Variants in IL17RA observed in about 807,000 individuals in gnomAD.
The protein encoded by IL17RA is interleukin-17 receptor A.
Under a neutral mutation model 50.4 loss-of-function variants are expected in IL17RA, and 34 were observed. That is an observed-to-expected ratio of 0.67 (90% CI 0.51 to 0.90). The LOEUF is 0.90. Ranked by LOEUF, IL17RA falls within the 40% of genes least tolerant of loss-of-function variation. IL17RA has a pLI of 0.00. For missense variants in IL17RA, 1,276 were observed against 1,169.8 expected (o/e 1.09, Z -1.32); for synonymous variants, 585 against 510.4 (o/e 1.15, Z -1.97).
chr22:17,087,270 C>T (rs2061331361), intron 1 of IL17RA, among the ~76,000 whole-genome samples: 1 of 152,240 alleles, frequency 6.6e-6, no homozygotes, highest in Non-Finnish European at 1.5e-5. Context: ...TTGCAGGCAG[C>T]ATCGCACTTA....
chr22:17,109,106 C>A lies in IL17RA; in HGVS notation c.1887C>A (p.Ser629=). The A allele has an allele frequency of 6.4e-7, 1 of 1,557,950 alleles. No homozygotes were observed. ...CGCCCCTGGTGCGCGAGCCTGGCTC[C>A]CAGGCCTGCCTGGCCATAGACCCGC... The part of the protein sequence containing the change: ...KRAPLVREPG[S]QACLAIDPLV... The change falls in exon 13 of 13, where the codon TCC becomes TCA. Residue 629 remains serine, a synonymous_variant. Transcript: ENST00000319363.
At position 17,109,876 on chromosome 22, in the gene IL17RA, A is replaced by C; in HGVS notation, c.*56A>C. The C allele has an allele frequency of 6.8e-7, 1 of 1,466,146 alleles. No individual in the cohort carries two copies. Among genetic ancestry groups the C allele is most frequent in the Non-Finnish European group, 9.3e-7 (1 of 1,078,414 alleles). 90.8% of individuals were successfully genotyped at this position (1,466,146 alleles called of 1,614,324 possible). A position where few individuals can be genotyped will look rare whatever the true frequency, so the allele number is the denominator to read the frequency against. ...AGCTTTGAGAGAGGAGTGTGTGTGC[A>C]CGTATTCATCTGTGTGTACATGTCT... is the stretch of plus-strand genomic sequence containing the variant. On this transcript the variant is annotated 3_prime_UTR_variant, in exon 13 of 13. Transcript: ENST00000319363.
chr22:17,095,806 A>G (rs1195108156), intron 1 of IL17RA, among the ~76,000 whole-genome samples: 2 of 152,192 alleles, frequency 1.3e-5, no homozygotes, highest in African/African-American at 2.4e-5. Context: ...CAGGAGCTGA[A>G]CAGGGCGAGA....
intron 1 of IL17RA, among the ~76,000 whole-genome samples, chr22:17,086,721 G>T (rs1189327507): frequency 6.6e-6 from 1 of 152,206 alleles, no homozygotes; most frequent in Admixed American, 6.5e-5. Flanking sequence ...AAGAAAAATT[G>T]CTTCCAGTTG....
intron 1 of IL17RA, among the ~76,000 whole-genome samples, chr22:17,094,278 C>T (rs1310090836): frequency 2.0e-5 from 3 of 152,034 alleles, no homozygotes; most frequent in Non-Finnish European, 2.9e-5. Context: ...TGAGCCACTG[C>T]GCCCAGCCAA....
At chr22:17,086,935 C>A (rs2061330243) in intron 1 of IL17RA, among the ~76,000 whole-genome samples, 1 of 152,214 alleles carries the variant, frequency 6.6e-6, no homozygotes, top group Admixed American at 6.5e-5. Context: ...GGGAGCCAAG[C>A]TCTGACTTTC....
rs976309618 is a variant in IL17RA at position 17,110,768 on chromosome 22, A to G, written c.*948A>G. The G allele has an allele frequency of 6.6e-6, 1 of 152,242 alleles. No homozygotes were observed. Among genetic ancestry groups the G allele is most frequent in the African/African-American group, 2.4e-5 (1 of 41,412 alleles). The allele number at this position is 152,242 out of a possible 1,614,324, so 9.4% of individuals were successfully genotyped here. ...CTTGAGCCCAGGAGGTAGAGGCTGC[A>G]GTGAGCTATAATGGTACCATTGCAA... On this transcript the variant is annotated 3_prime_UTR_variant, in exon 13 of 13. Transcript: ENST00000319363.
intron 1 of IL17RA, among the ~76,000 whole-genome samples, chr22:17,094,691 C>CTCTCTCTCTCTCTCTATA (rs1448096911): frequency 1.0e-3 from 25 of 24,674 alleles, no homozygotes; most frequent in South Asian, 1.8e-3. Context: ...CTCTCTCTCT[C>CTCTCTCTCTCTCTCTATA]TATATATATA....
Position 17,108,842 on chromosome 22 carries a change from G to A in IL17RA, c.1623G>A (p.Met541Ile), listed in dbSNP as rs1357479180. The change falls in exon 13 of 13, where the codon ATG becomes ATA. Residue 541 changes from methionine to isoleucine, a missense_variant. Transcript: ENST00000319363. ...ACTTCCGCATCCAGGACCTGGAGAT[G>A]TTCCAGCCGGGCCGCATGCACCGCG... Reference protein sequence around the residue: ...EVYFRIQDLEMFQPGRMHRVG... With the variant: ...EVYFRIQDLEIFQPGRMHRVG... 1 of 1,607,834 alleles carries A rather than the reference G, an allele frequency of 6.2e-7. No individual in the cohort carries two copies.
intron 1 of IL17RA, among the ~76,000 whole-genome samples, chr22:17,096,761 C>G (rs1230374404): frequency 1.3e-5 from 2 of 151,516 alleles, no homozygotes; most frequent in South Asian, 4.2e-4. Context: ...TCCCAGCTAC[C>G]TGGGAGGCCG....
In IL17RA at chr22:17,085,184, C is replaced by T. The variant is rs1449112570; in HGVS notation, c.93C>T (p.Ala31=). The T allele has an allele frequency of 4.6e-6, 7 of 1,526,858 alleles. No individual in the cohort carries two copies. The highest frequency in any genetic ancestry group is 4.0e-5 in the Admixed American group (2 of 49,996). The allele number at this position is 1,526,858 out of a possible 1,614,324, so 94.6% of individuals were successfully genotyped here. ...TGGGCGTGCTGGCCCCGGGTGGCGC[C>T]TCCCTGCGACTCCTGGACCACCGGG... ...LLLGVLAPGG[A]SLRLLDHRAL... is the part of the protein sequence containing the mutation. The change falls in exon 1 of 13, where the codon GCC becomes GCT. Residue 31 remains alanine (A), a synonymous_variant. Transcript: ENST00000319363.
intron 1 of IL17RA, among the ~76,000 whole-genome samples, chr22:17,088,439 C>A (rs1465416224): frequency 6.6e-6 from 1 of 152,106 alleles, no homozygotes; most frequent in Non-Finnish European, 1.5e-5. Context: ...GTGCCTCAGC[C>A]TCCCGAGTCA....
In IL17RA at chr22:17,104,773, C is replaced by G. The variant is rs374537654; in HGVS notation, c.894C>G (p.Ser298=). 3.7e-6 allele frequency: 6 copies of G among 1,613,996 alleles called. No homozygotes were observed. Among genetic ancestry groups the G allele is most frequent in the Non-Finnish European group, 5.1e-6 (6 of 1,179,988 alleles). ...SSCLNDCLRH[S]ATVSCPEMPD... ...GCCTCAATGACTGCCTCAGACACTCCGCGACTGTTTCCTGCCCAGAAATGC... is the reference window on the plus strand; with the variant it reads ...GCCTCAATGACTGCCTCAGACACTCGGCGACTGTTTCCTGCCCAGAAATGC... The change falls in exon 9 of 13, where the codon TCC becomes TCG. Residue 298 remains serine (S), a synonymous_variant. Coordinates refer to ENST00000319363, the MANE Select transcript of IL17RA (RefSeq NM_014339.7).
chr22:17,103,804 T>G (rs1601345623), intron 8 of IL17RA, among the ~76,000 whole-genome samples: 1 of 94,506 alleles, frequency 1.1e-5, no homozygotes. Flanking sequence ...TGGACGGGAG[T>G]GGGGAGCGTG....
rs2061321959 is a variant in IL17RA at position 17,085,197 on chromosome 22, C to G, written c.106C>G (p.Leu36Val). ...LAPGGASLRLLDHRALVCSQP... is the reference protein window; with the variant it reads ...LAPGGASLRLVDHRALVCSQP... ...CCCGGGTGGCGCCTCCCTGCGACTC[C>G]TGGACCACCGGGCGCTGGTCTGCTC... The change falls in exon 1 of 13, where the codon CTG becomes GTG. Residue 36 changes from leucine (L) to valine (V), a missense_variant. Leu to Val is a conservative substitution (Grantham distance 32). Transcript: ENST00000319363. 2 of 1,531,788 alleles carry G rather than the reference C, an allele frequency of 1.3e-6. No homozygotes were observed. The highest frequency in any genetic ancestry group is 1.7e-6 in the Non-Finnish European group (2 of 1,143,940). The allele number at this position is 1,531,788 out of a possible 1,614,324, so 94.9% of individuals were successfully genotyped here. A position where few individuals can be genotyped will look rare whatever the true frequency, so the allele number is the denominator to read the frequency against.
At chr22:17,105,831 C>G in intron 10 of IL17RA, 22 bp from the exon 11 acceptor site, 1 of 1,600,514 alleles carries the variant, frequency 6.2e-7, no homozygotes, top group Non-Finnish European at 8.6e-7. Flanking sequence ...CCGCATCACT[C>G]ACGCTGTTCT....
chr22:17,103,744 A>AGAGTGTGGTGTGTCTGG (rs1468895995), intron 8 of IL17RA, among the ~76,000 whole-genome samples, 167 bp downstream of exon 8: 1 of 128,756 alleles, frequency 7.8e-6, no homozygotes, highest in Non-Finnish European at 1.6e-5. Context: ...GCACAGGTGG[A>AGAGTGTGGTGTGTCTGG]GAGTGTGGTG....
intron 5 of IL17RA, among the ~76,000 whole-genome samples, chr22:17,101,035 A>G (rs1017604475): frequency 2.6e-5 from 4 of 152,132 alleles, no homozygotes; most frequent in Admixed American, 2.0e-4. Context: ...CCAGAAGCTC[A>G]GCTATTACCT....
chr22:17,109,668 G>A lies in IL17RA; in HGVS notation c.2449G>A (p.Glu817Lys), dbSNP rs764316815. Reference protein sequence around the residue: ...GLTEMEEEEEEEQDPGKPALP... With the variant: ...GLTEMEEEEEKEQDPGKPALP... ...CACGGAAATGGAGGAAGAGGAGGAA[G>A]AGGAGCAGGACCCAGGGAAGCCGGC... Residue 817 changes from glutamate to lysine, a missense_variant, in exon 13 of 13, where the codon GAG becomes AAG. Coordinates refer to ENST00000319363, the MANE Select transcript of IL17RA (RefSeq NM_014339.7). 1.1e-5 allele frequency: 17 copies of A among 1,603,050 alleles called. No individual in the cohort carries two copies. In the African/African-American group the frequency reaches 2.0e-4, roughly 19 times the overall value.
Sources: gnomAD v4.1 joint callset for allele counts (sites outside exome capture counted in the v4.1 genomes callset) on GRCh38, gnomAD v4.1.1 for gene constraint, MANE v1.5 for transcripts, NCBI Gene and HGNC (gene_info 2026-07-23, HGNC 2026-07-21) for gene names.